ARHGAP10: variants seen among roughly 807,000 people sequenced by gnomAD.
The protein encoded by ARHGAP10 is Rho GTPase activating protein 10, also known as rho GTPase-activating protein 10.
ARHGAP10 carries 87 observed loss-of-function variants against 108.6 expected under a neutral mutation model. The observed-to-expected ratio is 0.80, with a 90% CI of 0.67 to 0.96. The LOEUF is 0.96. ARHGAP10 is among the 40% of genes least tolerant of loss of function. ARHGAP10 has a pLI of 0.00. For missense variants in ARHGAP10, 939 were observed against 954.5 expected (o/e 0.98, Z 0.21); for synonymous variants, 347 against 341.1 (o/e 1.02, Z -0.19).
chr4:147,937,737 T>G (rs2126958760), intron 13 of ARHGAP10, among the ~76,000 whole-genome samples: 1 of 152,316 alleles, frequency 6.6e-6, no homozygotes, highest in African/African-American at 2.4e-5. Context: ...CCCAGCACTT[T>G]GGGAGGCGGA....
intron 18 of ARHGAP10, among the ~76,000 whole-genome samples, chr4:148,002,168 A>T (rs1017103810): frequency 1.3e-5 from 2 of 152,228 alleles, no homozygotes; most frequent in African/African-American, 4.8e-5. Context: ...CTATTGAGAT[A>T]ATCATGTGGT....
At chr4:148,022,446 A>G (rs1052789811) in intron 18 of ARHGAP10, among the ~76,000 whole-genome samples, 5 of 152,182 alleles carry the variant, frequency 3.3e-5, no homozygotes, top group African/African-American at 1.2e-4. Context: ...GACTTTATTG[A>G]AGAATGAAGG....
chr4:148,008,635 TA>T (rs989818102), intron 18 of ARHGAP10, among the ~76,000 whole-genome samples: 24 of 152,104 alleles, frequency 1.6e-4, no homozygotes, highest in Admixed American at 3.3e-4. Flanking sequence ...GTAGTTCTAC[TA>T]ACAGTGTCTG....
At chr4:147,751,434 G>A (rs1729145292) in intron 1 of ARHGAP10, among the ~76,000 whole-genome samples, 1 of 151,336 alleles carries the variant, frequency 6.6e-6, no homozygotes, top group Admixed American at 6.6e-5. Context: ...CGTGATCTCG[G>A]CTCACTGCAA....
At chr4:147,760,910 G>A (rs1166330477) in intron 1 of ARHGAP10, among the ~76,000 whole-genome samples, 2 of 152,102 alleles carry the variant, frequency 1.3e-5, no homozygotes, top group South Asian at 2.1e-4. Flanking sequence ...CAAACTATGT[G>A]TATTGGAACA....
At chr4:148,052,132 T>C (rs1208227212) in intron 20 of ARHGAP10, among the ~76,000 whole-genome samples, 2 of 152,156 alleles carry the variant, frequency 1.3e-5, no homozygotes, top group African/African-American at 4.8e-5. Flanking sequence ...TCATTTTTAA[T>C]AGATTTCTGT....
At chr4:147,846,778 T>C (rs1376751126) in intron 3 of ARHGAP10, among the ~76,000 whole-genome samples, 1 of 152,222 alleles carries the variant, frequency 6.6e-6, no homozygotes, top group African/African-American at 2.4e-5. Context: ...TAAAGGAATG[T>C]AATTGAATTT....
chr4:148,027,354 A>G (rs1345592953), intron 19 of ARHGAP10, among the ~76,000 whole-genome samples: 1 of 152,248 alleles, frequency 6.6e-6, no homozygotes, highest in Non-Finnish European at 1.5e-5. Flanking sequence ...GCAAGATTTA[A>G]TAACATTTGA....
intron 1 of ARHGAP10, among the ~76,000 whole-genome samples, chr4:147,818,955 A>G (rs1024851558): frequency 5.9e-5 from 9 of 152,342 alleles, no homozygotes; most frequent in African/African-American, 1.9e-4. Flanking sequence ...CAGAAAGGGG[A>G]AAATGAGTGA....
chr4:147,912,530 AAAACAAAC>A (rs200443508), intron 12 of ARHGAP10, among the ~76,000 whole-genome samples: 2 of 143,334 alleles, frequency 1.4e-5, no homozygotes, highest in East Asian at 2.0e-4. Context: ...ACAAAAACAA[AAAACAAAC>A]AAACAAACAA....
At chr4:147,900,420 A>G (rs1326277341) in intron 10 of ARHGAP10, among the ~76,000 whole-genome samples, 4 of 152,332 alleles carry the variant, frequency 2.6e-5, no homozygotes, top group East Asian at 1.9e-4. Context: ...AGGGTTTTAG[A>G]TAAAGATTAT....
intron 1 of ARHGAP10, among the ~76,000 whole-genome samples, chr4:147,767,499 A>G (rs1042386211): frequency 5.9e-5 from 9 of 152,238 alleles, no homozygotes; most frequent in Non-Finnish European, 1.0e-4. Flanking sequence ...TAATAACTTT[A>G]AAAAATAGCT....
At chr4:147,857,811 T>A in intron 5 of ARHGAP10, 157 bp downstream of exon 5, 1 of 579,020 alleles carries the variant, frequency 1.7e-6, no homozygotes, top group Non-Finnish European at 2.5e-6. Context: ...AAAGTCCTTG[T>A]GAAACAAGAA....
chr4:147,968,830 TGTA>T (rs1185491632), intron 18 of ARHGAP10, among the ~76,000 whole-genome samples: 2 of 152,178 alleles, frequency 1.3e-5, no homozygotes, highest in Non-Finnish European at 2.9e-5. Context: ...ATGCCAGACA[TGTA>T]GTAGGTGCCG....
chr4:147,929,805 A>G (rs1019429791), intron 13 of ARHGAP10, among the ~76,000 whole-genome samples: 1 of 152,196 alleles, frequency 6.6e-6, no homozygotes, highest in Non-Finnish European at 1.5e-5. Flanking sequence ...ATATGAAAAT[A>G]TATACATATA....
At chr4:147,958,301 G>T (rs77797032) in intron 16 of ARHGAP10, among the ~76,000 whole-genome samples, 2,535 of 152,306 alleles carry the variant, frequency 0.017, 53 homozygotes, top group South Asian at 0.089. Context: ...ACTAAAGGCT[G>T]AATGCCTGTT....
chr4:147,992,117 C>A (rs555709715), intron 18 of ARHGAP10, among the ~76,000 whole-genome samples: 60 of 152,316 alleles, frequency 3.9e-4, no homozygotes, highest in African/African-American at 1.3e-3. Context: ...CTCAAAAGCG[C>A]TCCTTGTTTT....
At chr4:147,802,429 A>T (rs1299181873) in intron 1 of ARHGAP10, among the ~76,000 whole-genome samples, 2 of 152,242 alleles carry the variant, frequency 1.3e-5, no homozygotes, top group Non-Finnish European at 2.9e-5. Flanking sequence ...CCTAAAGGTA[A>T]GGTGGTAGGT....
Position 147,906,660 on chromosome 4 carries a change from C to A in ARHGAP10, c.1057C>A (p.Gln353Lys), listed in dbSNP as rs1736509794. 1.2e-6 allele frequency: 2 copies of A among 1,613,978 alleles called. No individual in the cohort carries two copies. The highest frequency in any genetic ancestry group is 1.7e-6 in the Non-Finnish European group (2 of 1,180,018). The change falls in exon 11 of 23, where the codon CAG (glutamine) becomes AAG (lysine). Residue 353 changes from glutamine to lysine, a missense_variant. Physicochemically the swap from Gln to Lys is moderately conservative, Grantham distance 53. Coordinates refer to ENST00000336498, the MANE Select transcript of ARHGAP10 (RefSeq NM_024605.4). ...ADRPGVSLTM[Q>K]AFSEEERKQW... ...CAGGCCTGGCGTTTCCTTGACCATGCAGGCATTTTCCGAAGAGGAAAGGAA... is the reference window on the plus strand; with the variant it reads ...CAGGCCTGGCGTTTCCTTGACCATGAAGGCATTTTCCGAAGAGGAAAGGAA...
Sources: allele counts gnomAD v4.1 joint callset (sites outside exome capture counted in the v4.1 genomes callset), GRCh38; gene constraint gnomAD v4.1.1; transcripts MANE v1.5; gene names NCBI Gene and HGNC (gene_info 2026-07-23, HGNC 2026-07-21).